BCAS3: variants seen among roughly 807,000 people sequenced by gnomAD.
BCAS3 encodes the protein BCAS4/BCAS3 fusion.
In BCAS3, 53 loss-of-function variants were observed where a neutral mutation model predicts 116.1. The ratio of observed to expected loss-of-function variants is 0.46; its 90% CI spans 0.37 to 0.57. The LOEUF (loss-of-function observed/expected upper bound fraction) is 0.57. BCAS3 is among the 20% of genes least tolerant of loss of function. The pLI, the probability that BCAS3 is intolerant of heterozygous loss-of-function variation, is 0.00. For synonymous variants in BCAS3, 391 were observed against 408.2 expected (o/e 0.96, Z 0.51); for missense variants, 917 against 1,165.4 (o/e 0.79, Z 3.10).
intron 15 of BCAS3, among the ~76,000 whole-genome samples, chr17:61,001,409 C>A (rs1331615477): frequency 4.6e-5 from 7 of 152,172 alleles, no homozygotes; most frequent in African/African-American, 1.7e-4. Context: ...GACCACATCA[C>A]AATTGTAAAT....
chr17:60,942,071 T>TAGG (rs61409228), intron 13 of BCAS3, among the ~76,000 whole-genome samples: 47,280 of 151,756 alleles, frequency 0.31, 12,356 homozygotes, highest in African/African-American at 0.72. Context: ...AGCAAAAAAG[T>TAGG]AGGAGTGGCA....
chr17:60,744,336 TA>T (rs1297090170), intron 5 of BCAS3, among the ~76,000 whole-genome samples: 4 of 152,206 alleles, frequency 2.6e-5, no homozygotes, highest in African/African-American at 7.2e-5. Flanking sequence ...GACAGCCTTA[TA>T]AAAAATCAGT....
intron 6 of BCAS3, among the ~76,000 whole-genome samples, chr17:60,799,290 T>C (rs1372254320): frequency 6.6e-6 from 1 of 152,196 alleles, no homozygotes; most frequent in Non-Finnish European, 1.5e-5. Context: ...GCAAAAATAC[T>C]ACAGAGCAGT....
intron 13 of BCAS3, among the ~76,000 whole-genome samples, chr17:60,939,159 G>A (rs999434723): frequency 6.6e-6 from 1 of 152,220 alleles, no homozygotes; most frequent in African/African-American, 2.4e-5. Context: ...GGCCAGGTGC[G>A]GTGGCTCACA....
In BCAS3 at chr17:61,227,920, A is replaced by G. The variant is rs1167422518; in HGVS notation, c.2426-140407A>G. ...CAGTGGGGTTGGCAGCACTTTTCCT[A>G]TTACTTGGGAGTGAACCCTCAGGGA... On this transcript the variant is annotated intron_variant, in intron 22 of 23. Coordinates refer to ENST00000407086, the MANE Select transcript of BCAS3 (RefSeq NM_017679.5). This position sits in a 1 kb window ranked among gnomAD's most constrained non-coding sequence, Gnocchi z 6.1. Among the ~76,000 whole-genome samples, 1 of 152,162 alleles carries G rather than the reference A, an allele frequency of 6.6e-6. No individual in the cohort carries two copies. The highest frequency in any genetic ancestry group is 1.5e-5 in the Non-Finnish European group (1 of 68,032).
intron 6 of BCAS3, among the ~76,000 whole-genome samples, chr17:60,803,207 T>C (rs1260180110): frequency 1.3e-5 from 2 of 152,240 alleles, no homozygotes; most frequent in Non-Finnish European, 2.9e-5. Flanking sequence ...CCAGTGTCCT[T>C]CTGTCTGTCT....
rs1236470336 is a variant in BCAS3, at chr17:61,285,123, C to G, written c.2426-83204C>G. The stretch of plus-strand genomic sequence containing the variant: ...TCCCCTAGTGATTCAAACCAGCTAT[C>G]CTGAAACTGCTTCCACCTGGGCAGA... On this transcript the variant is annotated intron_variant, in intron 22 of 23. Coordinates refer to ENST00000407086, the MANE Select transcript of BCAS3 (RefSeq NM_017679.5). This position sits in a 1 kb window ranked among gnomAD's most constrained non-coding sequence, Gnocchi z 5.4. 1.3e-5 allele frequency among the ~76,000 whole-genome samples: 2 copies of G among 152,140 alleles called. No individual in the cohort carries two copies. The highest frequency in any genetic ancestry group is 2.9e-5 in the Non-Finnish European group (2 of 68,028).
chr17:60,686,345 A>T (rs1485027977), intron 3 of BCAS3, among the ~76,000 whole-genome samples: 1 of 152,112 alleles, frequency 6.6e-6, no homozygotes, highest in Non-Finnish European at 1.5e-5. Context: ...CATCAAATTC[A>T]TGGAGCCTAG....
chr17:60,752,155 GGTGTGTGT>G (rs55713453), intron 6 of BCAS3, among the ~76,000 whole-genome samples: 11 of 144,754 alleles, frequency 7.6e-5, no homozygotes, highest in African/African-American at 2.5e-4. Context: ...TTGGCTGAAG[GGTGTGTGT>G]GTGTGTGTGT....
In BCAS3 at chr17:61,084,607, A is replaced by G. The variant is rs780365841; in HGVS notation, c.2425+43A>G. The stretch of plus-strand genomic sequence containing the variant: ...AAATATTTATTGGGCAGTCCTGTGC[A>G]TTTTTAACTAATTTTCTCGCACAAT... On this transcript the variant is annotated intron_variant, in intron 22 of 23. Coordinates refer to ENST00000407086, the MANE Select transcript of BCAS3 (RefSeq NM_017679.5). The surrounding 1 kb of genome is among the most constrained non-coding windows in gnomAD (Gnocchi z 5.5). 15 of 1,476,494 alleles carry G rather than the reference A, an allele frequency of 1.0e-5. No homozygotes were observed. The highest frequency in any genetic ancestry group is 1.1e-5 in the South Asian group (1 of 87,624). The allele number at this position is 1,476,494 out of a possible 1,614,324, so 91.5% of individuals were successfully genotyped here. A position where few individuals can be genotyped will look rare whatever the true frequency, so the allele number is the denominator to read the frequency against.
rs932631092 is a variant in BCAS3, at chr17:60,811,044, G to A, written c.476+2968G>A. 5.1e-5 allele frequency: 33 copies of A among 648,652 alleles called. 1 individual carries two copies. Among genetic ancestry groups the A allele is most frequent in the South Asian group, 1.0e-4 (7 of 67,428 alleles). The allele number at this position is 648,652 out of a possible 1,614,324, so 40.2% of individuals were successfully genotyped here. On this transcript the variant is annotated intron_variant, in intron 7 of 23. Transcript: ENST00000407086. ...AGTCTGCCGAGGTTGGAGCTGCTGCGTTGATTCTCATGGAGCTGAGACGTA... is the reference window on the plus strand; with the variant it reads ...AGTCTGCCGAGGTTGGAGCTGCTGCATTGATTCTCATGGAGCTGAGACGTA...
In BCAS3 at chr17:60,962,285, A is replaced by T. The variant is rs765321216; in HGVS notation, c.1221+14933A>T. On this transcript the variant is annotated intron_variant, in intron 14 of 23. Coordinates refer to ENST00000407086, the MANE Select transcript of BCAS3 (RefSeq NM_017679.5). The surrounding 1 kb of genome is among the most constrained non-coding windows in gnomAD (Gnocchi z 4.4). ...TACTGTGCTCCATAGTGGCTGCACT[A>T]ATTTACATTTCCACCAGCAGTGTGC... 1.3e-5 allele frequency among the ~76,000 whole-genome samples: 2 copies of T among 152,160 alleles called. No individual in the cohort carries two copies. Among genetic ancestry groups the T allele is most frequent in the Non-Finnish European group, 2.9e-5 (2 of 68,024 alleles).
chr17:61,322,840 G>GAC (rs2055393458), intron 22 of BCAS3, among the ~76,000 whole-genome samples: 2 of 143,556 alleles, frequency 1.4e-5, no homozygotes, highest in African/African-American at 2.8e-5. Flanking sequence ...CAGAGAGAGA[G>GAC]AGAGAGAGAG....
chr17:61,356,140 G>T lies in BCAS3; in HGVS notation c.2426-12187G>T, dbSNP rs142622839. Reference sequence around the variant, plus strand: ...CTCCCGAGTAGCTGGGATTACAGGCGCCTGCCATCATGCCCGGCTGATTTT... The same window carrying T: ...CTCCCGAGTAGCTGGGATTACAGGCTCCTGCCATCATGCCCGGCTGATTTT... On this transcript the variant is annotated intron_variant, in intron 22 of 23. Transcript: ENST00000407086. This position sits in a 1 kb window ranked among gnomAD's most constrained non-coding sequence, Gnocchi z 5.4. 6.1e-3 allele frequency among the ~76,000 whole-genome samples: 921 copies of T among 152,224 alleles called. 11 individuals carry two copies. The highest frequency in any genetic ancestry group is 0.021 in the African/African-American group (862 of 41,534).
In BCAS3 at chr17:61,004,100, A is replaced by G. The variant is rs1422915045; in HGVS notation, c.1487-11651A>G. On this transcript the variant is annotated intron_variant, in intron 15 of 23. Transcript: ENST00000407086. The surrounding 1 kb of genome is among the most constrained non-coding windows in gnomAD (Gnocchi z 4.8). ...TTTTTGTCTAGTGATTAGAATAACA[A>G]AAAGAGGATTTGGAGAACCTGTTTG... Among the ~76,000 whole-genome samples, 1 of 152,158 alleles carries G rather than the reference A, an allele frequency of 6.6e-6. No individual in the cohort carries two copies. The highest frequency in any genetic ancestry group is 1.5e-5 in the Non-Finnish European group (1 of 68,028).
chr17:60,994,289 A>C lies in BCAS3; in HGVS notation c.1486+4054A>C, dbSNP rs1209180284. On this transcript the variant is annotated intron_variant, in intron 15 of 23. Transcript: ENST00000407086. The surrounding 1 kb of genome is among the most constrained non-coding windows in gnomAD (Gnocchi z 4.4). ...ATTTTAGTATTAATTGATTATATAC[A>C]TTACTATAACACTTTATTTTTAATA... Among the ~76,000 whole-genome samples the C allele has an allele frequency of 6.6e-6, 1 of 152,028 alleles. No homozygotes were observed. Among genetic ancestry groups the C allele is most frequent in the Non-Finnish European group, 1.5e-5 (1 of 67,974 alleles).
chr17:60,877,366 T>G (rs945326973), intron 9 of BCAS3, among the ~76,000 whole-genome samples: 9 of 152,196 alleles, frequency 5.9e-5, no homozygotes, highest in Non-Finnish European at 8.8e-5. Flanking sequence ...TGTCTATCTC[T>G]AAAGGATTTC....
intron 22 of BCAS3, among the ~76,000 whole-genome samples, chr17:61,207,914 T>G (rs1007247625): frequency 6.6e-6 from 1 of 152,184 alleles, no homozygotes; most frequent in Admixed American, 6.5e-5. Context: ...GCTGAGATCT[T>G]ATTAGTAACA....
intron 5 of BCAS3, among the ~76,000 whole-genome samples, chr17:60,739,937 C>A (rs538639928): frequency 6.6e-6 from 1 of 150,636 alleles, no homozygotes; most frequent in East Asian, 1.9e-4. Context: ...TTGCTTGCAT[C>A]GTTTATGAGG....
Sources: gnomAD v4.1 joint callset for allele counts (sites outside exome capture counted in the v4.1 genomes callset) on GRCh38, gnomAD v4.1.1 for gene constraint, Gnocchi (gnomAD v3.1) non-coding constraint, MANE v1.5 for transcripts, NCBI Gene and HGNC (gene_info 2026-07-23, HGNC 2026-07-21) for gene names.